The following GPR107 variants were observed in gnomAD, a reference collection of about 807,000 sequenced individuals.
GPR107 encodes the protein protein GPR107.
In GPR107, 31 loss-of-function variants were observed where a neutral mutation model predicts 75.5. That is an observed-to-expected ratio of 0.41 (90% CI 0.31 to 0.55). The LOEUF (loss-of-function observed/expected upper bound fraction) is 0.55, where lower values mean the gene tolerates loss of function less well. Ranked by LOEUF, GPR107 falls within the 20% of genes least tolerant of loss-of-function variation. GPR107 has a pLI of 0.26. For missense variants in GPR107, 572 were observed against 665.7 expected (o/e 0.86, Z 1.55); for synonymous variants, 267 against 251.3 (o/e 1.06, Z -0.59).
At chr9:130,058,249 A>G (rs1265248696) in intron 1 of GPR107, among the ~76,000 whole-genome samples, 1 of 152,168 alleles carries the variant, frequency 6.6e-6, no homozygotes, top group Non-Finnish European at 1.5e-5. Flanking sequence ...TAACTGTATA[A>G]TGCAATGATT....
At chr9:130,067,891 G>A (rs1404087082) in intron 1 of GPR107, among the ~76,000 whole-genome samples, 1 of 151,110 alleles carries the variant, frequency 6.6e-6, no homozygotes, top group African/African-American at 2.4e-5. Flanking sequence ...ATTACAAGCG[G>A]GCGCCACCAC....
chr9:130,081,805 G>A (rs963577849), intron 5 of GPR107, among the ~76,000 whole-genome samples: 7 of 151,514 alleles, frequency 4.6e-5, no homozygotes, highest in South Asian at 2.1e-4. Context: ...GCAGTGAGCC[G>A]AGATTGCGCC....
At chr9:130,069,578 C>G (rs562284818) in intron 1 of GPR107, among the ~76,000 whole-genome samples, 5 of 152,212 alleles carry the variant, frequency 3.3e-5, no homozygotes, top group Non-Finnish European at 7.3e-5. Context: ...TACGAAGTCA[C>G]TTCCATACAT....
chr9:130,119,416 G>C lies in GPR107; in HGVS notation c.1307-5499G>C, dbSNP rs376796515. Among the ~76,000 whole-genome samples the C allele has an allele frequency of 6.6e-5, 10 of 152,318 alleles. No homozygotes were observed. In the East Asian group the frequency reaches 1.7e-3, roughly 26 times the overall value. ...GACACTAACACTGTCATGGCAAGTA[G>C]CCAACTGCTCACTGCGAGCCAGCTG... On this transcript the variant is annotated intron_variant, in intron 14 of 17. Transcript: ENST00000347136.
chr9:130,092,354 T>C lies in GPR107; in HGVS notation c.836T>C (p.Ile279Thr). 6.2e-7 allele frequency: 1 copy of C among 1,612,352 alleles called. No homozygotes were observed. Among genetic ancestry groups the C allele is most frequent in the Non-Finnish European group, 8.5e-7 (1 of 1,178,350 alleles). Reference sequence around the variant, plus strand: ...TTTTTCTTCTTTCTTTCTGGGACCATCTGGATTCATATCCTTCGAAAACGA... The same window carrying C: ...TTTTTCTTCTTTCTTTCTGGGACCACCTGGATTCATATCCTTCGAAAACGA... ...MAFFFFLSGT[I>T]WIHILRKRRN... Residue 279 changes from isoleucine to threonine, a missense_variant, in exon 9 of 18, where the codon ATC becomes ACC. Transcript: ENST00000347136.
chr9:130,060,188 G>T (rs1268120284), intron 1 of GPR107, among the ~76,000 whole-genome samples: 1 of 151,894 alleles, frequency 6.6e-6, no homozygotes, highest in Non-Finnish European at 1.5e-5. Flanking sequence ...TCAGCCTCCT[G>T]AGTAGCTGGG....
In GPR107 at chr9:130,103,441, C is replaced by A. The variant is rs1342938967; in HGVS notation, c.1132-979C>A. 6.6e-6 allele frequency among the ~76,000 whole-genome samples: 1 copy of A among 152,134 alleles called. No individual in the cohort carries two copies. The highest frequency in any genetic ancestry group is 1.5e-5 in the Non-Finnish European group (1 of 68,040). ...CTCTGCATCCATTCCCAGTGGTAATCTTCAAAAGGATGTATTATAAGTGGT... is the reference window on the plus strand; with the variant it reads ...CTCTGCATCCATTCCCAGTGGTAATATTCAAAAGGATGTATTATAAGTGGT... On this transcript the variant is annotated intron_variant, in intron 12 of 17. Transcript: ENST00000347136. This position sits in a 1 kb window ranked among gnomAD's most constrained non-coding sequence, Gnocchi z 4.3.
chr9:130,107,693 C>T (rs182020668), intron 14 of GPR107, among the ~76,000 whole-genome samples, 154 bp downstream of exon 14: 1 of 152,194 alleles, frequency 6.6e-6, no homozygotes, highest in East Asian at 1.9e-4. Context: ...GTGAGAGCAG[C>T]CAGGGGTAGT....
chr9:130,072,776 A>G (rs972745355), intron 1 of GPR107, among the ~76,000 whole-genome samples: 2 of 152,194 alleles, frequency 1.3e-5, no homozygotes, highest in Non-Finnish European at 2.9e-5. Context: ...AAAAAAAACA[A>G]AACAACAAGA....
chr9:130,118,959 C>T (rs1831488669), intron 14 of GPR107, among the ~76,000 whole-genome samples: 1 of 152,232 alleles, frequency 6.6e-6, no homozygotes, highest in African/African-American at 2.4e-5. Context: ...TCCCCACACT[C>T]ATTCTTTCAC....
intron 15 of GPR107, among the ~76,000 whole-genome samples, chr9:130,126,056 C>CAA (rs569390895): frequency 0.37 from 41,822 of 112,862 alleles, 6,590 homozygotes; most frequent in Non-Finnish European, 0.42. Context: ...GACTCTGTCT[C>CAA]AAAAAAAAAA....
At chr9:130,094,711 C>T (rs372646056) in intron 9 of GPR107, among the ~76,000 whole-genome samples, 1 of 151,170 alleles carries the variant, frequency 6.6e-6, no homozygotes. Context: ...GACACAGTCT[C>T]GCTCTGTCGC....
rs1432141565 is a variant in GPR107, at chr9:130,053,957, T to TC, written c.30dup (p.Ala11ArgfsTer6). On this transcript the variant is annotated frameshift_variant, in exon 1 of 18. Coordinates refer to ENST00000347136, the MANE Select transcript of GPR107 (RefSeq NM_020960.5). LOFTEE classifies it high-confidence loss of function. Reference sequence around the variant, plus strand: ...CATGGCCGCTCTGGCGCCCGTCGGCTCCCCCGCCTCCCGCGGTCCTAGGCT... The same window carrying TC: ...CATGGCCGCTCTGGCGCCCGTCGGCTCCCCCCGCCTCCCGCGGTCCTAGGCT... 8.4e-6 allele frequency: 13 copies of TC among 1,554,462 alleles called. No homozygotes were observed. Among genetic ancestry groups the TC allele is most frequent in the Non-Finnish European group, 1.1e-5 (13 of 1,150,636 alleles).
rs1830374947 is a variant in GPR107, at chr9:130,077,359, C to T, written c.367C>T (p.Leu123=). ...KQSVSVTLLI[L]DISRSEVRVK... ...GTCTGTCTCTGTCACCCTTTTAATC[C>T]TAGACATCTCCAGAAGTGAGTAAGT... The change falls in exon 4 of 18, where the codon CTA becomes TTA. Residue 123 remains leucine, a synonymous_variant. Coordinates refer to ENST00000347136, the MANE Select transcript of GPR107 (RefSeq NM_020960.5). 2.0e-6 allele frequency: 3 copies of T among 1,519,912 alleles called. No homozygotes were observed. Among genetic ancestry groups the T allele is most frequent in the Non-Finnish European group, 1.8e-6 (2 of 1,094,004 alleles). The allele number at this position is 1,519,912 out of a possible 1,614,324, so 94.2% of individuals were successfully genotyped here.
At chr9:130,127,235 TGTGCTCCCG>T (rs1319044025) in intron 15 of GPR107, among the ~76,000 whole-genome samples, 1 of 152,200 alleles carries the variant, frequency 6.6e-6, no homozygotes, top group Non-Finnish European at 1.5e-5. Context: ...TAAAGTGTCT[TGTGCTCCCG>T]GTGGGTGTGG....
intron 16 of GPR107, 40 bp downstream of exon 16, chr9:130,127,606 C>T: frequency 9.3e-7 from 1 of 1,079,386 alleles, no homozygotes; most frequent in Non-Finnish European, 1.4e-6. Flanking sequence ...GAATTTATGC[C>T]TGAGGATAAA....
chr9:130,054,255 T>C (rs1829671993), intron 1 of GPR107, among the ~76,000 whole-genome samples, 182 bp downstream of exon 1: 1 of 152,152 alleles, frequency 6.6e-6, no homozygotes, highest in Non-Finnish European at 1.5e-5. Context: ...GCTGGGGTCT[T>C]CGGGCTGACC....
intron 9 of GPR107, 79 bp downstream of exon 9, chr9:130,092,460 G>A (rs1830764562): frequency 8.4e-7 from 1 of 1,190,992 alleles, no homozygotes; most frequent in Admixed American, 1.7e-5. Flanking sequence ...TGAACCTGGA[G>A]GCAGTTGTCA....
chr9:130,080,584 C>T (rs1352709788), intron 5 of GPR107, among the ~76,000 whole-genome samples: 3 of 151,970 alleles, frequency 2.0e-5, no homozygotes, highest in Middle Eastern at 3.4e-3. Flanking sequence ...CTCCGCCTCC[C>T]GGGTTCACGC....
Sources: allele counts gnomAD v4.1 joint callset (sites outside exome capture counted in the v4.1 genomes callset), GRCh38; gene constraint gnomAD v4.1.1; non-coding constraint Gnocchi (gnomAD v3.1); transcripts MANE v1.5; gene names NCBI Gene and HGNC (gene_info 2026-07-23, HGNC 2026-07-21).